The following RAP1A variants were observed in gnomAD, a reference collection of about 807,000 sequenced individuals.
RAP1A encodes RAP1A, member of RAS oncogene family.
RAP1A carries 6 observed loss-of-function variants against 26.4 expected under a neutral mutation model. That is an observed-to-expected ratio of 0.23 (90% CI 0.12 to 0.45). The LOEUF is 0.45. RAP1A is among the 20% of genes least tolerant of loss of function. RAP1A has a pLI of 0.99. For synonymous variants in RAP1A, 73 were observed against 79.4 expected (o/e 0.92, Z 0.43); for missense variants, 121 against 217.2 (o/e 0.56, Z 2.78).
chr1:111,545,117 T>C (rs183761292), intron 1 of RAP1A, among the ~76,000 whole-genome samples: 2 of 152,038 alleles, frequency 1.3e-5, no homozygotes, highest in Non-Finnish European at 2.9e-5. Context: ...ATTTGGTATA[T>C]ACCCAATTTC....
upstream of RAP1A, among the ~76,000 whole-genome samples, chr1:111,616,722 T>G (rs1659021279): frequency 6.6e-6 from 1 of 152,126 alleles, no homozygotes; most frequent in Non-Finnish European, 1.5e-5. Context: ...TCAAATACAA[T>G]TCTCCTCCAA....
intron 1 of RAP1A, among the ~76,000 whole-genome samples, chr1:111,671,025 A>T (rs1358566742): frequency 2.6e-5 from 4 of 152,264 alleles, no homozygotes; most frequent in African/African-American, 9.6e-5. Context: ...AGATTGTGGT[A>T]AAGATTTATC....
intron 1 of RAP1A, among the ~76,000 whole-genome samples, chr1:111,644,389 A>G (rs1053883010): frequency 6.6e-5 from 10 of 152,182 alleles, no homozygotes; most frequent in Non-Finnish European, 1.3e-4. Flanking sequence ...AGTGTACCAC[A>G]GTCATAAAAA....
At chr1:111,616,128 A>T (rs1200071960), upstream of RAP1A, among the ~76,000 whole-genome samples, 1 of 152,228 alleles carries the variant, frequency 6.6e-6, no homozygotes, top group Non-Finnish European at 1.5e-5. Flanking sequence ...AAAGGTGTTT[A>T]GTTTCTGTCA....
intron 6 of RAP1A, among the ~76,000 whole-genome samples, chr1:111,707,099 A>G (rs1662217304): frequency 6.6e-6 from 1 of 152,182 alleles, no homozygotes; most frequent in South Asian, 2.1e-4. Context: ...CTGTTTTCAG[A>G]CTTTCTTTAG....
Position 111,714,121 on chromosome 1 carries a change from T to C in RAP1A, c.*1720T>C, listed in dbSNP as rs1662464397. On this transcript the variant is annotated 3_prime_UTR_variant, in exon 8 of 8. Transcript: ENST00000369709. ...CTGAGAAAATGTTAAAGTATTGTTT[T>C]TAAAAAAATGGAAATTTTTTTTGTT... 6.6e-6 allele frequency: 1 copy of C among 152,252 alleles called. No homozygotes were observed. Among genetic ancestry groups the C allele is most frequent in the Non-Finnish European group, 1.5e-5 (1 of 68,036 alleles). The allele number at this position is 152,252 out of a possible 1,614,324, so 9.4% of individuals were successfully genotyped here.
At chr1:111,663,113 C>T (rs535523331) in intron 1 of RAP1A, among the ~76,000 whole-genome samples, 1 of 152,260 alleles carries the variant, frequency 6.6e-6, no homozygotes, top group South Asian at 2.1e-4. Flanking sequence ...AGGGTTTCAC[C>T]ATGTTGGCCA....
intron 6 of RAP1A, among the ~76,000 whole-genome samples, chr1:111,705,177 A>T (rs1662149461): frequency 6.6e-6 from 1 of 152,228 alleles, no homozygotes; most frequent in Non-Finnish European, 1.5e-5. Context: ...TGTCCCCACC[A>T]GTCAACCTTA....
intron 1 of RAP1A, among the ~76,000 whole-genome samples, chr1:111,565,487 C>T (rs1407436770): frequency 6.6e-6 from 1 of 152,128 alleles, no homozygotes; most frequent in Non-Finnish European, 1.5e-5. Flanking sequence ...GAGGGTTAAG[C>T]CCTGATTCCT....
chr1:111,689,634 C>T (rs1430063165), intron 1 of RAP1A, among the ~76,000 whole-genome samples: 1 of 152,032 alleles, frequency 6.6e-6, no homozygotes, highest in African/African-American at 2.4e-5. Flanking sequence ...CATCTCGTTT[C>T]TGGGATGGTT....
At chr1:111,612,576 G>A (rs1158071801) in intron 1 of RAP1A, among the ~76,000 whole-genome samples, 1 of 152,092 alleles carries the variant, frequency 6.6e-6, no homozygotes, top group Non-Finnish European at 1.5e-5. Flanking sequence ...CACCTAAGCT[G>A]AAAATATAGA....
intron 1 of RAP1A, among the ~76,000 whole-genome samples, chr1:111,645,068 A>G (rs1438563339): frequency 6.6e-6 from 1 of 152,182 alleles, no homozygotes; most frequent in African/African-American, 2.4e-5. Context: ...TCTTGGAGGA[A>G]TTTGGTTAAG....
chr1:111,688,265 C>CTGTG (rs60277735), intron 1 of RAP1A, among the ~76,000 whole-genome samples: 198 of 135,418 alleles, frequency 1.5e-3, no homozygotes, highest in Non-Finnish European at 2.1e-3. Flanking sequence ...CACAAGAAGT[C>CTGTG]TGTGTGTGTG....
chr1:111,648,352 G>A, intron 1 of RAP1A: 2 of 692,552 alleles, frequency 2.9e-6, no homozygotes, highest in Non-Finnish European at 5.1e-6. Context: ...TCTGGTGGAT[G>A]GTCGTCTTTT....
intron 1 of RAP1A, among the ~76,000 whole-genome samples, chr1:111,547,763 CT>C (rs1657088950): frequency 6.6e-6 from 1 of 152,132 alleles, no homozygotes; most frequent in Non-Finnish European, 1.5e-5. Flanking sequence ...CAAAATTGAC[CT>C]TGTTTGATGA....
intron 1 of RAP1A, among the ~76,000 whole-genome samples, chr1:111,569,514 G>A (rs1658000022): frequency 6.6e-6 from 1 of 151,994 alleles, no homozygotes; most frequent in Non-Finnish European, 1.5e-5. Context: ...CTCAGCTGCT[G>A]TACTGGGTGC....
chr1:111,660,855 T>G (rs1284709398), intron 1 of RAP1A, among the ~76,000 whole-genome samples: 1 of 152,250 alleles, frequency 6.6e-6, no homozygotes, highest in Non-Finnish European at 1.5e-5. Flanking sequence ...CTTATCGAAG[T>G]CACCAGGCAT....
intron 1 of RAP1A, among the ~76,000 whole-genome samples, chr1:111,577,587 T>C (rs1658172651): frequency 6.6e-6 from 1 of 152,064 alleles, no homozygotes. Context: ...ATTCAGACTG[T>C]AAGATCAAAT....
intron 1 of RAP1A, among the ~76,000 whole-genome samples, chr1:111,635,148 T>C (rs1659689651): frequency 6.6e-6 from 1 of 152,176 alleles, no homozygotes; most frequent in South Asian, 2.1e-4. Flanking sequence ...GATGCAAAAT[T>C]AAGTTGCCAT....
Sources: gnomAD v4.1 joint callset for allele counts (sites outside exome capture counted in the v4.1 genomes callset) on GRCh38, gnomAD v4.1.1 for gene constraint, MANE v1.5 for transcripts, NCBI Gene and HGNC (gene_info 2026-07-23, HGNC 2026-07-21) for gene names.